CDH13: variants seen among roughly 807,000 people sequenced by gnomAD.
CDH13 encodes the protein cadherin 13, also known as cadherin-13.
A neutral mutation model predicts 63.8 loss-of-function variants in CDH13; 24 were observed. The ratio of observed to expected loss-of-function variants is 0.38; its 90% CI spans 0.27 to 0.53. CDH13 has a LOEUF of 0.53. CDH13 is among the 20% of genes least tolerant of loss of function. The pLI is 0.85. For synonymous variants in CDH13, 503 were observed against 355.3 expected (o/e 1.42, Z -4.67); for missense variants, 1,049 against 903.1 (o/e 1.16, Z -2.07).
At chr16:83,052,458 A>T (rs1215758123) in intron 3 of CDH13, among the ~76,000 whole-genome samples, 1 of 152,198 alleles carries the variant, frequency 6.6e-6, no homozygotes, top group Non-Finnish European at 1.5e-5. Flanking sequence ...ATTTAAGAAC[A>T]TTTAGAAAAG....
intron 10 of CDH13, among the ~76,000 whole-genome samples, chr16:83,699,270 GT>G (rs1429062763): frequency 6.6e-6 from 1 of 152,222 alleles, no homozygotes; most frequent in Non-Finnish European, 1.5e-5. Flanking sequence ...AGCACCAGTT[GT>G]TTTTCTGTCA....
intron 8 of CDH13, among the ~76,000 whole-genome samples, chr16:83,666,081 T>G (rs1913924606): frequency 6.6e-6 from 1 of 152,234 alleles, no homozygotes; most frequent in South Asian, 2.1e-4. Flanking sequence ...CCACACAGTT[T>G]AACAGAAAAG....
At chr16:82,767,298 C>T (rs2035092324) in intron 1 of CDH13, among the ~76,000 whole-genome samples, 1 of 152,228 alleles carries the variant, frequency 6.6e-6, no homozygotes, top group Non-Finnish European at 1.5e-5. Context: ...CGAGTCAATT[C>T]TGACTCCTAC....
chr16:82,768,445 G>T (rs913437704), intron 1 of CDH13, among the ~76,000 whole-genome samples: 1 of 152,188 alleles, frequency 6.6e-6, no homozygotes, highest in African/African-American at 2.4e-5. Context: ...CCTTCCCAAG[G>T]AAATGGAGGT....
At chr16:83,379,578 C>A (rs1376937131) in intron 6 of CDH13, among the ~76,000 whole-genome samples, 1 of 152,088 alleles carries the variant, frequency 6.6e-6, no homozygotes. Context: ...ACAACTTGAT[C>A]ATGAGAAGGT....
chr16:83,745,503 G>C (rs1022329303), intron 10 of CDH13, among the ~76,000 whole-genome samples: 2 of 151,918 alleles, frequency 1.3e-5, no homozygotes, highest in African/African-American at 4.9e-5. Flanking sequence ...GGAACACTCG[G>C]AGGGGCTCTG....
intron 3 of CDH13, among the ~76,000 whole-genome samples, chr16:83,088,942 T>C (rs1167840715): frequency 1.3e-5 from 2 of 152,196 alleles, no homozygotes; most frequent in African/African-American, 4.8e-5. Context: ...TGGCCATTCA[T>C]TAATATATGA....
At chr16:83,491,694 G>T (rs185356547) in intron 7 of CDH13, among the ~76,000 whole-genome samples, 1 of 151,578 alleles carries the variant, frequency 6.6e-6, no homozygotes, top group African/African-American at 2.4e-5. Context: ...GCACTTTTCT[G>T]TCTTTGTTTG....
chr16:83,152,956 CT>C (rs1272775005), intron 4 of CDH13, among the ~76,000 whole-genome samples: 1 of 152,172 alleles, frequency 6.6e-6, no homozygotes, highest in Non-Finnish European at 1.5e-5. Context: ...GATGATGCAT[CT>C]ACAAGGCACG....
chr16:82,756,806 TTGA>T (rs1277393205), intron 1 of CDH13, among the ~76,000 whole-genome samples: 3 of 152,152 alleles, frequency 2.0e-5, no homozygotes, highest in Non-Finnish European at 2.9e-5. Flanking sequence ...GAACTGAAAA[TTGA>T]TGATGAGAGA....
intron 5 of CDH13, among the ~76,000 whole-genome samples, chr16:83,314,426 G>T (rs1054504541): frequency 1.3e-5 from 2 of 152,142 alleles, no homozygotes; most frequent in African/African-American, 4.8e-5. Flanking sequence ...AAAATGGCTA[G>T]AATAATATGT....
chr16:82,747,578 T>C (rs562748192), intron 1 of CDH13, among the ~76,000 whole-genome samples: 1 of 149,324 alleles, frequency 6.7e-6, no homozygotes, highest in South Asian at 2.1e-4. Flanking sequence ...AATCAGAAAC[T>C]TTGGAGAATG....
chr16:83,452,519 C>T (rs867363888), intron 6 of CDH13, among the ~76,000 whole-genome samples: 1 of 151,888 alleles, frequency 6.6e-6, no homozygotes, highest in African/African-American at 2.4e-5. Flanking sequence ...TCCTCACTTT[C>T]TCGGTTCGTT....
At chr16:82,727,936 C>T (rs1307555081) in intron 1 of CDH13, among the ~76,000 whole-genome samples, 2 of 152,170 alleles carry the variant, frequency 1.3e-5, no homozygotes, top group Non-Finnish European at 2.9e-5. Context: ...AGCCCTGTGT[C>T]TCTGCAGGTT....
intron 1 of CDH13, among the ~76,000 whole-genome samples, chr16:82,795,334 C>T (rs1476502597): frequency 6.6e-6 from 1 of 152,166 alleles, no homozygotes; most frequent in African/African-American, 2.4e-5. Flanking sequence ...ATACAGAGAC[C>T]ACATTCTGCA....
chr16:83,463,805 CA>C (rs1163295142), intron 6 of CDH13, among the ~76,000 whole-genome samples: 1 of 151,730 alleles, frequency 6.6e-6, no homozygotes, highest in Non-Finnish European at 1.5e-5. Flanking sequence ...ACTCTGTCTC[CA>C]AAAAAAGCAA....
At chr16:83,574,062 C>A (rs907419531) in intron 7 of CDH13, among the ~76,000 whole-genome samples, 2 of 152,058 alleles carry the variant, frequency 1.3e-5, no homozygotes, top group South Asian at 2.1e-4. Flanking sequence ...AGCGCCGTGC[C>A]CCTCAATTTT....
chr16:83,151,683 G>C (rs556673026), intron 4 of CDH13, among the ~76,000 whole-genome samples: 1 of 152,302 alleles, frequency 6.6e-6, no homozygotes, highest in South Asian at 2.1e-4. Context: ...AAAGTCAGTA[G>C]GCCAGGCACA....
intron 1 of CDH13, among the ~76,000 whole-genome samples, chr16:82,842,164 A>ATATATATATT (rs2039061937): frequency 3.1e-5 from 1 of 32,586 alleles, no homozygotes; most frequent in Non-Finnish European, 8.3e-5. Flanking sequence ...ATATATATAT[A>ATATATATATT]CACACACACA....
Sources: gnomAD v4.1 joint callset for allele counts (sites outside exome capture counted in the v4.1 genomes callset) on GRCh38, gnomAD v4.1.1 for gene constraint, MANE v1.5 for transcripts, NCBI Gene and HGNC (gene_info 2026-07-23, HGNC 2026-07-21) for gene names.